The following CARM1 variants were observed in gnomAD, a reference collection of about 807,000 sequenced individuals.
CARM1 encodes coactivator associated arginine methyltransferase 1, also known as histone-arginine methyltransferase CARM1.
In CARM1, 14 loss-of-function variants were observed where a neutral mutation model predicts 72.7. That is an observed-to-expected ratio of 0.19 (90% CI 0.13 to 0.30). The LOEUF (loss-of-function observed/expected upper bound fraction) is 0.30. Among genes scored for constraint, CARM1 ranks in the 10% least tolerant of loss-of-function variants. The pLI is 1.00. For missense variants in CARM1, 432 were observed against 833.7 expected, an observed-to-expected ratio of 0.52 and a Z score of 5.93; for synonymous variants, 333 against 345.5, an observed-to-expected ratio of 0.96 and a Z score of 0.40.
chr19:10,910,708 G>A (rs1350436507), intron 4 of CARM1, among the ~76,000 whole-genome samples: 1 of 151,366 alleles, frequency 6.6e-6, no homozygotes, highest in Non-Finnish European at 1.5e-5. Context: ...TGGGACTACA[G>A]GCGCACACCA....
chr19:10,871,598 G>GGTAGCGGCA lies in CARM1; in HGVS notation c.-104_-103insTAGCGGCAG, dbSNP rs2073813836. ...CGGCGGCGGTAGCGGCAGCGGCGGCGGCGGCGGCGGCGGCGGCGGCGGCGG... is the reference window on the plus strand; with the variant it reads ...CGGCGGCGGTAGCGGCAGCGGCGGCGGTAGCGGCAGCGGCGGCGGCGGCGGCGGCGGCGG... On this transcript the variant is annotated 5_prime_UTR_variant, in exon 1 of 16. Transcript: ENST00000327064. The surrounding 1 kb of genome is among the most constrained non-coding windows in gnomAD (Gnocchi z 5.6). 1.4e-5 allele frequency: 1 copy of GGTAGCGGCA among 71,660 alleles called. No individual in the cohort carries two copies. The highest frequency in any genetic ancestry group is 4.0e-4 in the South Asian group (1 of 2,528). The allele number at this position is 71,660 out of a possible 1,614,324, so 4.4% of individuals were successfully genotyped here. A position where few individuals can be genotyped will look rare whatever the true frequency, so the allele number is the denominator to read the frequency against.
rs2074259179 is a variant in CARM1, at chr19:10,921,925, A to C, written c.*168A>C. 2.7e-5 allele frequency: 17 copies of C among 619,272 alleles called. No homozygotes were observed. The East Asian group carries it at 4.9e-4, about 18-fold the overall frequency. 38.4% of individuals were successfully genotyped at this position (619,272 alleles called of 1,614,324 possible). The stretch of plus-strand genomic sequence containing the variant: ...TTTACACGATGTTGCCGCCGTCCCC[A>C]CCCTAACCCCCACCTCCCGGCCCTG... On this transcript the variant is annotated 3_prime_UTR_variant, in exon 16 of 16. Transcript: ENST00000327064.
intron 1 of CARM1, among the ~76,000 whole-genome samples, chr19:10,899,040 T>G (rs1568351138): frequency 2.7e-5 from 4 of 150,822 alleles, no homozygotes; most frequent in African/African-American, 7.3e-5. Context: ...CTTGTTTTTT[T>G]TTTTTTTTTT....
chr19:10,897,503 C>T (rs1158945548), intron 1 of CARM1, among the ~76,000 whole-genome samples: 2 of 152,168 alleles, frequency 1.3e-5, no homozygotes, highest in African/African-American at 4.8e-5. Context: ...CCTGCAGTTC[C>T]AGCCCCTCCT....
Position 10,921,063 on chromosome 19 carries a change from CTA to C in CARM1, c.1553_1554del (p.Tyr518Ter). 6.2e-7 allele frequency: 1 copy of C among 1,614,182 alleles called. No homozygotes were observed. Among genetic ancestry groups the C allele is most frequent in the Non-Finnish European group, 8.5e-7 (1 of 1,179,990 alleles). On this transcript the variant is annotated frameshift_variant, in exon 14 of 16. Coordinates refer to ENST00000327064, the MANE Select transcript of CARM1 (RefSeq NM_199141.2). LOFTEE classifies it high-confidence loss of function. ...GMAVAGMPTA[Y>X]DLSSVIASGS... ...CTCTGGACACAGGGATGCCGACCGCCTATGACTTGAGCAGTGTTATTGCCAGT... is the reference window on the plus strand; with the variant it reads ...CTCTGGACACAGGGATGCCGACCGCCTGACTTGAGCAGTGTTATTGCCAGT...
intron 4 of CARM1, among the ~76,000 whole-genome samples, chr19:10,911,935 C>T (rs989812324): frequency 6.6e-6 from 1 of 152,260 alleles, no homozygotes; most frequent in African/African-American, 2.4e-5. Context: ...CCACTCACCC[C>T]AGACGATCCG....
intron 8 of CARM1, 106 bp from the exon 9 acceptor site, chr19:10,919,489 T>C: frequency 1.2e-6 from 1 of 800,816 alleles, no homozygotes; most frequent in Admixed American, 2.3e-5. Context: ...TCGTTTTAGC[T>C]GCACAGCCTA....
chr19:10,873,943 C>G (rs2073842809), intron 1 of CARM1, among the ~76,000 whole-genome samples: 1 of 151,846 alleles, frequency 6.6e-6, no homozygotes, highest in Non-Finnish European at 1.5e-5. Context: ...CCGGCCAGAA[C>G]AATTTTAGTC....
At chr19:10,897,474 C>T (rs2145210379) in intron 1 of CARM1, among the ~76,000 whole-genome samples, 2 of 152,252 alleles carry the variant, frequency 1.3e-5, no homozygotes, top group South Asian at 4.2e-4. Flanking sequence ...AAAGATGGGG[C>T]AATTTTTCTA....
rs570416025 is a variant in CARM1, at chr19:10,897,087, C to A, written c.221-7864C>A. 3.3e-5 allele frequency among the ~76,000 whole-genome samples: 5 copies of A among 152,326 alleles called. No homozygotes were observed. In the South Asian group the frequency reaches 1.0e-3, roughly 32 times the overall value. On this transcript the variant is annotated intron_variant, in intron 1 of 15. Coordinates refer to ENST00000327064, the MANE Select transcript of CARM1 (RefSeq NM_199141.2). ...AGCACACAATATTTACTGTCTGGTCCTTTACACAGAAAGTCAGCCAAGGCC... is the reference window on the plus strand; with the variant it reads ...AGCACACAATATTTACTGTCTGGTCATTTACACAGAAAGTCAGCCAAGGCC...
rs142094767 is a variant in CARM1 at position 10,891,618 on chromosome 19, G to GA, written c.221-13333_221-13332insA. On this transcript the variant is annotated intron_variant, in intron 1 of 15. Coordinates refer to ENST00000327064, the MANE Select transcript of CARM1 (RefSeq NM_199141.2). The stretch of plus-strand genomic sequence containing the variant: ...CAGCAGGGTCCAAAAGGATGTTGGG[G>GA]GGGTGGTCCCCAGTCCGGCCTGCCC... Among the ~76,000 whole-genome samples, 221 of 152,350 alleles carry GA rather than the reference G, an allele frequency of 1.5e-3. 1 individual carries two copies. Among genetic ancestry groups the GA allele is most frequent in the African/African-American group, 5.1e-3 (212 of 41,588 alleles).
intron 1 of CARM1, among the ~76,000 whole-genome samples, chr19:10,897,131 G>A (rs1474539676): frequency 1.3e-5 from 2 of 152,208 alleles, no homozygotes; most frequent in East Asian, 3.8e-4. Context: ...GAAGCGCAGA[G>A]ACATTGGGTG....
At chr19:10,882,348 C>T (rs1190544476) in intron 1 of CARM1, among the ~76,000 whole-genome samples, 3 of 152,094 alleles carry the variant, frequency 2.0e-5, no homozygotes, top group Admixed American at 1.3e-4. Flanking sequence ...CTGTGCTTTC[C>T]TGGCGGGGCG....
At chr19:10,890,265 G>GTTTTTTT (rs71164129) in intron 1 of CARM1, among the ~76,000 whole-genome samples, 1 of 144,522 alleles carries the variant, frequency 6.9e-6, no homozygotes, top group Non-Finnish European at 1.5e-5. Flanking sequence ...TTTTTGTTTT[G>GTTTTTTT]TTTGTTTTTT....
chr19:10,907,119 C>T (rs1293763760), intron 2 of CARM1, among the ~76,000 whole-genome samples: 2 of 151,964 alleles, frequency 1.3e-5, no homozygotes, highest in Non-Finnish European at 2.9e-5. Flanking sequence ...GTTGGCCAGG[C>T]TGGTCTCGAA....
Position 10,912,134 on chromosome 19 carries a change from C to G in CARM1, c.559-50C>G. 7.7e-7 allele frequency: 1 copy of G among 1,291,900 alleles called. No individual in the cohort carries two copies. The allele number at this position is 1,291,900 out of a possible 1,614,324, so 80.0% of individuals were successfully genotyped here. ...TCCCTTATGATCACTGTCACCTCCC[C>G]ATCACCGTCGCCTCCTATGTCTCGC... On this transcript the variant is annotated intron_variant, in intron 4 of 15. Transcript: ENST00000327064. This position sits in a 1 kb window ranked among gnomAD's most constrained non-coding sequence, Gnocchi z 4.5.
chr19:10,890,019 G>A (rs986877943), intron 1 of CARM1, among the ~76,000 whole-genome samples: 8 of 152,216 alleles, frequency 5.3e-5, no homozygotes, highest in African/African-American at 1.9e-4. Context: ...ATGTTGAGGC[G>A]GGAGGATCGC....
chr19:10,873,625 T>TTTTTG (rs2073837902), intron 1 of CARM1, among the ~76,000 whole-genome samples: 1 of 31,966 alleles, frequency 3.1e-5, no homozygotes, highest in Non-Finnish European at 6.6e-5. Flanking sequence ...TTTAGTTTAG[T>TTTTTG]TTTTTTTTTT....
At chr19:10,890,103 C>G (rs776376466) in intron 1 of CARM1, among the ~76,000 whole-genome samples, 4 of 151,956 alleles carry the variant, frequency 2.6e-5, no homozygotes, top group Non-Finnish European at 5.9e-5. Flanking sequence ...AAAAAATTAG[C>G]CTTCCATGGT....
Sources: allele counts gnomAD v4.1 joint callset (sites outside exome capture counted in the v4.1 genomes callset), GRCh38; gene constraint gnomAD v4.1.1; non-coding constraint Gnocchi (gnomAD v3.1); transcripts MANE v1.5; gene names NCBI Gene and HGNC (gene_info 2026-07-23, HGNC 2026-07-21).